Variants in MECOM observed in about 807,000 individuals in gnomAD.
MECOM encodes histone-lysine N-methyltransferase MECOM.
In MECOM, 13 loss-of-function variants were observed where a neutral mutation model predicts 116.3. The observed-to-expected ratio is 0.11, with a 90% CI of 0.07 to 0.18. MECOM has a LOEUF of 0.18. MECOM is among the 10% of genes least tolerant of loss of function. The pLI is 1.00. For synonymous variants in MECOM, 528 were observed against 535.2 expected, an observed-to-expected ratio of 0.99 and a Z score of 0.19; for missense variants, 1,299 against 1,509.0, an observed-to-expected ratio of 0.86 and a Z score of 2.31.
At chr3:169,368,496 TA>T (rs1278964662) in intron 2 of MECOM, among the ~76,000 whole-genome samples, 2 of 152,050 alleles carry the variant, frequency 1.3e-5, no homozygotes, top group Non-Finnish European at 2.9e-5. Flanking sequence ...TTTTTCATGC[TA>T]CCTACTTATC....
chr3:169,187,411 G>T (rs950569254), intron 2 of MECOM, among the ~76,000 whole-genome samples: 2 of 152,028 alleles, frequency 1.3e-5, no homozygotes, highest in East Asian at 3.9e-4. Context: ...AATAAAAATG[G>T]AAAAGCCAAC....
At chr3:169,355,629 A>G (rs1316687633) in intron 2 of MECOM, among the ~76,000 whole-genome samples, 2 of 151,952 alleles carry the variant, frequency 1.3e-5, no homozygotes, top group African/African-American at 4.8e-5. Flanking sequence ...TATCAGTAAA[A>G]GCAACACCGT....
chr3:169,297,032 T>TA (rs1293169998), intron 2 of MECOM, among the ~76,000 whole-genome samples: 2 of 152,240 alleles, frequency 1.3e-5, no homozygotes, highest in African/African-American at 4.8e-5. Flanking sequence ...AGCTGTGCTC[T>TA]TTCAACAATT....
chr3:169,130,452 G>A (rs1320209387), intron 4 of MECOM, among the ~76,000 whole-genome samples: 1 of 149,676 alleles, frequency 6.7e-6, no homozygotes, highest in Non-Finnish European at 1.5e-5. Flanking sequence ...TACCAAAAGC[G>A]CCCCCCGCCC....
chr3:169,087,688 T>TA (rs58233988), intron 16 of MECOM, among the ~76,000 whole-genome samples: 1 of 151,400 alleles, frequency 6.6e-6, no homozygotes, highest in South Asian at 2.1e-4. Flanking sequence ...AATCAAGGGT[T>TA]AAAAAAAAAT....
intron 2 of MECOM, among the ~76,000 whole-genome samples, chr3:169,192,243 G>C (rs73879028): frequency 0.11 from 16,464 of 151,842 alleles, 984 homozygotes; most frequent in Non-Finnish European, 0.12. Context: ...ATACTGAATT[G>C]GAATAACAGA....
At chr3:169,594,051 G>A (rs1425979826) in intron 1 of MECOM, among the ~76,000 whole-genome samples, 1 of 151,054 alleles carries the variant, frequency 6.6e-6, no homozygotes, top group East Asian at 1.9e-4. Flanking sequence ...GACCCAGGAG[G>A]CAGAGGTTGC....
intron 3 of MECOM, chr3:169,133,937 TTTAAC>T (rs1372615929): frequency 7.8e-7 from 1 of 1,289,492 alleles, no homozygotes; most frequent in African/African-American, 1.5e-5. Flanking sequence ...CTCTCAAAGG[TTTAAC>T]TTATTAGCTT....
At chr3:169,573,678 C>CT (rs1553889373) in intron 1 of MECOM, among the ~76,000 whole-genome samples, 9 of 151,976 alleles carry the variant, frequency 5.9e-5, no homozygotes, top group East Asian at 1.9e-4. Context: ...TTTGGTTTAC[C>CT]TTTTTTTTAA....
intron 1 of MECOM, among the ~76,000 whole-genome samples, chr3:169,582,884 AT>A (rs1765282478): frequency 6.6e-6 from 1 of 152,254 alleles, no homozygotes; most frequent in Non-Finnish European, 1.5e-5. Context: ...GTTTCAGCAC[AT>A]CTATTTGGAA....
At chr3:169,259,141 T>TGTGGCAAAG (rs1757226003) in intron 2 of MECOM, among the ~76,000 whole-genome samples, 1 of 152,192 alleles carries the variant, frequency 6.6e-6, no homozygotes, top group South Asian at 2.1e-4. Context: ...GACAACACTA[T>TGTGGCAAAG]GTGGCCAAGG....
intron 16 of MECOM, 145 bp downstream of exon 16, chr3:169,088,855 G>A: frequency 1.5e-6 from 1 of 648,764 alleles, no homozygotes; most frequent in African/African-American, 1.9e-5. Context: ...ATACAGTAAA[G>A]ATATGAACAT....
intron 1 of MECOM, among the ~76,000 whole-genome samples, chr3:169,461,721 CTG>C (rs1747478724): frequency 6.6e-6 from 1 of 152,096 alleles, no homozygotes; most frequent in South Asian, 2.1e-4. Context: ...TCACAGCTGC[CTG>C]TGTGTGCAAA....
rs987654600 is a variant in MECOM at position 169,594,906 on chromosome 3, G to C, written c.37+68430C>G. Among the ~76,000 whole-genome samples, 3 of 148,424 alleles carry C rather than the reference G, an allele frequency of 2.0e-5. No homozygotes were observed. In the Admixed American group the frequency reaches 2.0e-4, roughly 10 times the overall value. On this transcript the variant is annotated intron_variant, in intron 1 of 16. Coordinates refer to ENST00000651503, the MANE Select transcript of MECOM (RefSeq NM_004991.4). Reference sequence around the variant, plus strand: ...AAAAAAAAAAACAAAAAAAAAACTGGATCTATATTCTAAAATTAATGGGGG... The same window carrying C: ...AAAAAAAAAAACAAAAAAAAAACTGCATCTATATTCTAAAATTAATGGGGG...
In MECOM at chr3:169,243,576, GT is replaced by G. The variant is rs563212987; in HGVS notation, c.376-99745del. Among the ~76,000 whole-genome samples the G allele has an allele frequency of 6.0e-3, 909 of 152,102 alleles. 6 individuals are homozygous for G. The highest frequency in any genetic ancestry group is 0.041 in the Middle Eastern group (12 of 294). On this transcript the variant is annotated intron_variant, in intron 2 of 16. Coordinates refer to ENST00000651503, the MANE Select transcript of MECOM (RefSeq NM_004991.4). ...ATTCTTTATAGATACTTCCAAACAG[GT>G]TTTTTCCCCCGTCTGATTGAATAAA...
At chr3:169,299,910 T>A (rs868568001) in intron 2 of MECOM, among the ~76,000 whole-genome samples, 44 of 152,186 alleles carry the variant, frequency 2.9e-4, no homozygotes, top group African/African-American at 1.0e-3. Context: ...TGTGGATAAG[T>A]ATTGATGTCA....
intron 1 of MECOM, among the ~76,000 whole-genome samples, chr3:169,509,561 CTG>C (rs1336636762): frequency 6.6e-6 from 1 of 152,164 alleles, no homozygotes; most frequent in Non-Finnish European, 1.5e-5. Context: ...CTTTCTGTCT[CTG>C]TGAATTTGCC....
Position 169,345,080 on chromosome 3 carries a change from A to G in MECOM, c.375+36107T>C, listed in dbSNP as rs533597496. 2.4e-4 allele frequency among the ~76,000 whole-genome samples: 36 copies of G among 152,290 alleles called. No homozygotes were observed. In the South Asian group the frequency reaches 4.6e-3, roughly 19 times the overall value. On this transcript the variant is annotated intron_variant, in intron 2 of 16. Coordinates refer to ENST00000651503, the MANE Select transcript of MECOM (RefSeq NM_004991.4). ...GCATTTAACAGTTAATGTGAACTCC[A>G]CAGAAATAAATTACATGGCCAAATT...
At chr3:169,113,012 T>A in intron 8 of MECOM, 138 bp from the exon 9 acceptor site, 1 of 589,704 alleles carries the variant, frequency 1.7e-6, no homozygotes, top group South Asian at 2.5e-5. Context: ...TATAGAGACA[T>A]CTGTCCAGTT....
Sources: gnomAD v4.1 joint callset for allele counts (sites outside exome capture counted in the v4.1 genomes callset) on GRCh38, gnomAD v4.1.1 for gene constraint, MANE v1.5 for transcripts, NCBI Gene and HGNC (gene_info 2026-07-23, HGNC 2026-07-21) for gene names.